The following CNTNAP4 variants were observed in gnomAD, a reference collection of about 807,000 sequenced individuals.
The protein encoded by CNTNAP4 is contactin-associated protein-like 4.
In CNTNAP4, 98 loss-of-function variants were observed where a neutral mutation model predicts 148.4. That is an observed-to-expected ratio of 0.66 (90% CI 0.56 to 0.78). The LOEUF is 0.78. Among genes scored for constraint, CNTNAP4 ranks in the 30% least tolerant of loss-of-function variants. The pLI is 0.00. For synonymous variants in CNTNAP4, 730 were observed against 565.1 expected, an observed-to-expected ratio of 1.29 and a Z score of -4.14; for missense variants, 1,935 against 1,565.6, an observed-to-expected ratio of 1.24 and a Z score of -3.98.
intron 12 of CNTNAP4, among the ~76,000 whole-genome samples, chr16:76,484,554 A>C (rs1329928513): frequency 6.6e-6 from 1 of 152,128 alleles, no homozygotes; most frequent in Non-Finnish European, 1.5e-5. Context: ...TTATTGATCT[A>C]GTTTTGCAAA....
chr16:76,407,114 C>T (rs905269957), intron 3 of CNTNAP4, among the ~76,000 whole-genome samples: 1 of 152,108 alleles, frequency 6.6e-6, no homozygotes, highest in South Asian at 2.1e-4. Context: ...AGACAGTGCT[C>T]ATTTACCATT....
At chr16:76,556,153 A>C (rs943992070) in intron 23 of CNTNAP4, among the ~76,000 whole-genome samples, 2 of 152,112 alleles carry the variant, frequency 1.3e-5, no homozygotes, top group Non-Finnish European at 2.9e-5. Flanking sequence ...TGAATGGTAT[A>C]AGATGGGATA....
At chr16:76,292,793 A>G (rs1387919152) in intron 1 of CNTNAP4, among the ~76,000 whole-genome samples, 2 of 152,184 alleles carry the variant, frequency 1.3e-5, no homozygotes, top group African/African-American at 4.8e-5. Flanking sequence ...TCTGCTTATC[A>G]GGGACAGCAA....
chr16:76,505,256 G>A (rs190140760), intron 15 of CNTNAP4, among the ~76,000 whole-genome samples: 1 of 41,340 alleles, frequency 2.4e-5, no homozygotes, highest in East Asian at 3.8e-3. Context: ...CCATTTTACT[G>A]TGGTGTACCC....
At chr16:76,523,338 G>A (rs1167320510) in intron 17 of CNTNAP4, among the ~76,000 whole-genome samples, 1 of 146,262 alleles carries the variant, frequency 6.8e-6, no homozygotes, top group Non-Finnish European at 1.5e-5. Flanking sequence ...ATGTTTGACA[G>A]TTTCACCAGT....
At chr16:76,523,665 A>T (rs1453669253) in intron 17 of CNTNAP4, among the ~76,000 whole-genome samples, 4 of 152,144 alleles carry the variant, frequency 2.6e-5, no homozygotes, top group Non-Finnish European at 5.9e-5. Context: ...GCCAGGCATG[A>T]TGTAGTCCTA....
chr16:76,498,896 TG>T (rs2082515341), intron 15 of CNTNAP4, among the ~76,000 whole-genome samples: 1 of 152,122 alleles, frequency 6.6e-6, no homozygotes, highest in African/African-American at 2.4e-5. Flanking sequence ...TTCCAGGGAC[TG>T]GGGACAGGAA....
intron 2 of CNTNAP4, among the ~76,000 whole-genome samples, chr16:76,343,744 T>A (rs1209347842): frequency 6.9e-6 from 1 of 144,348 alleles, no homozygotes; most frequent in Non-Finnish European, 1.5e-5. Context: ...AACTTCATTT[T>A]TTTTTTGTCT....
intron 21 of CNTNAP4, among the ~76,000 whole-genome samples, chr16:76,550,168 A>C (rs886609195): frequency 3.9e-5 from 6 of 152,182 alleles, no homozygotes; most frequent in African/African-American, 1.4e-4. Context: ...CTAATCCATC[A>C]GGGTAATTTT....
At chr16:76,371,166 A>G (rs563638238) in intron 3 of CNTNAP4, among the ~76,000 whole-genome samples, 1 of 152,238 alleles carries the variant, frequency 6.6e-6, no homozygotes, top group Non-Finnish European at 1.5e-5. Context: ...CTATGTGGGA[A>G]AAAATAGCAA....
chr16:76,301,051 A>T lies in CNTNAP4; in HGVS notation c.86-15362A>T, dbSNP rs115623302. ...CAGTATTTTATAGGAACTAACATGG[A>T]AATTATAACTTACAGACATGAAAAC... On this transcript the variant is annotated intron_variant, in intron 1 of 23. Transcript: ENST00000611870. Among the ~76,000 whole-genome samples the T allele has an allele frequency of 5.6e-3, 850 of 152,172 alleles. 8 individuals carry two copies. Among genetic ancestry groups the T allele is most frequent in the African/African-American group, 0.02 (829 of 41,530 alleles).
At chr16:76,377,657 T>C (rs1348772490) in intron 3 of CNTNAP4, among the ~76,000 whole-genome samples, 5 of 152,172 alleles carry the variant, frequency 3.3e-5, no homozygotes, top group African/African-American at 1.2e-4. Flanking sequence ...GACCTCAGTC[T>C]GGAGGGGCAA....
At chr16:76,539,891 A>T (rs1268019463) in intron 20 of CNTNAP4, 39 bp downstream of exon 20, 1 of 1,469,260 alleles carries the variant, frequency 6.8e-7, no homozygotes. Flanking sequence ...CATTTTAATG[A>T]CTCTCCAGCA....
At position 76,277,671 on chromosome 16, in the gene CNTNAP4, T is replaced by C; in HGVS notation, c.9T>C (p.Ser3=). 4 of 1,602,896 alleles carry C rather than the reference T, an allele frequency of 2.5e-6. No homozygotes were observed. The highest frequency in any genetic ancestry group is 3.4e-6 in the Non-Finnish European group (4 of 1,174,076). MG[S]VTGAVLKTLL... is the part of the protein sequence containing the mutation. ...GCCCAATAAATGTGAACATGGGATCTGTCACGGGAGCTGTCCTCAAGACGC... is the reference window on the plus strand; with the variant it reads ...GCCCAATAAATGTGAACATGGGATCCGTCACGGGAGCTGTCCTCAAGACGC... Residue 3 remains serine, a synonymous_variant, in exon 1 of 24, where the codon TCT becomes TCC. Transcript: ENST00000611870.
chr16:76,469,458 C>G (rs1346012493), intron 10 of CNTNAP4: 1 of 152,226 alleles, frequency 6.6e-6, no homozygotes, highest in Admixed American at 6.5e-5. Context: ...CTCCCCAACC[C>G]CTGATGGGGA....
At chr16:76,447,542 T>C (rs556793202) in intron 4 of CNTNAP4, among the ~76,000 whole-genome samples, 28 of 152,278 alleles carry the variant, frequency 1.8e-4, no homozygotes, top group Admixed American at 7.2e-4. Context: ...AGACAGTCCC[T>C]GACTTACAGA....
At chr16:76,418,507 T>C (rs1188675999) in intron 3 of CNTNAP4, among the ~76,000 whole-genome samples, 1 of 151,692 alleles carries the variant, frequency 6.6e-6, no homozygotes, top group Non-Finnish European at 1.5e-5. Flanking sequence ...CATTCTTCAC[T>C]TCTGTTCCAG....
chr16:76,327,993 T>TC (rs1358447187), intron 2 of CNTNAP4, among the ~76,000 whole-genome samples: 1 of 152,202 alleles, frequency 6.6e-6, no homozygotes, highest in Non-Finnish European at 1.5e-5. Context: ...AACTTTTGCC[T>TC]CAAAGTCATG....
chr16:76,527,565 A>G (rs920978067), intron 17 of CNTNAP4, among the ~76,000 whole-genome samples: 1 of 152,206 alleles, frequency 6.6e-6, no homozygotes, highest in African/African-American at 2.4e-5. Context: ...GTGATTCTGA[A>G]AAGTAAGTAC....
Sources: allele counts gnomAD v4.1 joint callset (sites outside exome capture counted in the v4.1 genomes callset), GRCh38; gene constraint gnomAD v4.1.1; transcripts MANE v1.5; gene names NCBI Gene and HGNC (gene_info 2026-07-23, HGNC 2026-07-21).